The following RRBP1 variants were observed in gnomAD, a reference collection of about 807,000 sequenced individuals.
RRBP1 encodes the protein ribosome-binding protein 1.
RRBP1 carries 94 observed loss-of-function variants against 165.2 expected under a neutral mutation model. The ratio of observed to expected loss-of-function variants is 0.57; its 90% CI spans 0.48 to 0.68. The LOEUF is 0.68. Among genes scored for constraint, RRBP1 ranks in the 30% least tolerant of loss-of-function variants. The pLI, the probability that RRBP1 is intolerant of heterozygous loss-of-function variation, is 0.00. For missense variants in RRBP1, 1,676 were observed against 1,763.0 expected (o/e 0.95, Z 0.88); for synonymous variants, 680 against 714.5 (o/e 0.95, Z 0.77).
chr20:17,664,261 C>T (rs1156412262), intron 2 of RRBP1, among the ~76,000 whole-genome samples: 1 of 152,164 alleles, frequency 6.6e-6, no homozygotes, highest in African/African-American at 2.4e-5. Context: ...GTAACACAGA[C>T]GGCGTGAATC....
chr20:17,667,147 C>T (rs1037497097), intron 2 of RRBP1, among the ~76,000 whole-genome samples: 1 of 152,112 alleles, frequency 6.6e-6, no homozygotes, highest in African/African-American at 2.4e-5. Flanking sequence ...TTCCTTTTCC[C>T]CTATTCTTTG....
rs1334863924 is a variant in RRBP1, at chr20:17,618,831, C to G, written c.3676-152G>C. ...CAGCATCGGGCCGGCACAGGGCTCGCCAGGCTTCCTACAGCTACGATTTCT... is the reference window on the plus strand; with the variant it reads ...CAGCATCGGGCCGGCACAGGGCTCGGCAGGCTTCCTACAGCTACGATTTCT... On this transcript the variant is annotated intron_variant, in intron 19 of 24. Transcript: ENST00000377813. The G allele has an allele frequency of 4.7e-6, 3 of 640,610 alleles. No individual in the cohort carries two copies. In the African/African-American group the frequency reaches 5.4e-5, roughly 12 times the overall value. The allele number at this position is 640,610 out of a possible 1,614,324, so 39.7% of individuals were successfully genotyped here. A position where few individuals can be genotyped will look rare whatever the true frequency, so the allele number is the denominator to read the frequency against.
In RRBP1 at chr20:17,620,744, C is replaced by T. The variant is rs763433306; in HGVS notation, c.3478G>A (p.Val1160Met). ...EEEEQVWRAKVGAAEEELQKS... is the reference protein window; with the variant it reads ...EEEEQVWRAKMGAAEEELQKS... ...TGGAGCTCCTCCTCTGCGGCGCCCA[C>T]CTTGGCCCTCCACACCTGCTCCTCC... is the stretch of plus-strand genomic sequence containing the variant. The change falls in exon 17 of 25, where the codon GTG becomes ATG. Residue 1160 changes from valine (V) to methionine (M), a missense_variant. This residue lies in a region of RRBP1 where 1,184 missense variants were observed against 1,167.1 expected (regional missense o/e 1.01). Transcript: ENST00000377813. The T allele has an allele frequency of 5.6e-6, 9 of 1,607,886 alleles. No individual in the cohort carries two copies. The highest frequency in any genetic ancestry group is 1.7e-5 in the Admixed American group (1 of 59,990).
intron 5 of RRBP1, among the ~76,000 whole-genome samples, chr20:17,639,499 C>T (rs1568768320): frequency 6.6e-6 from 1 of 152,182 alleles, no homozygotes; most frequent in South Asian, 2.1e-4. Flanking sequence ...CCCCAGCTCC[C>T]GAGGGGGATT....
chr20:17,622,021 A>G, intron 13 of RRBP1, 74 bp from the exon 14 acceptor site: 1 of 1,112,914 alleles, frequency 9.0e-7, no homozygotes. Context: ...GTCTTTACTG[A>G]TATGCCCGGG....
chr20:17,635,402 C>A (rs866571276), intron 7 of RRBP1, 144 bp downstream of exon 7: 59 of 630,080 alleles, frequency 9.4e-5, no homozygotes, highest in Non-Finnish European at 1.4e-4. Context: ...AGAACCCAGA[C>A]GGGAGATGGA....
chr20:17,665,080 ATATG>A (rs1450160085), intron 2 of RRBP1, among the ~76,000 whole-genome samples: 2 of 151,984 alleles, frequency 1.3e-5, no homozygotes, highest in Non-Finnish European at 2.9e-5. Flanking sequence ...ATTTATATAT[ATATG>A]TATGTGCCTG....
rs1235885023 is a variant in RRBP1, at chr20:17,624,618, C to G, written c.3105G>C (p.Glu1035Asp). 6.3e-7 allele frequency: 1 copy of G among 1,592,702 alleles called. No homozygotes were observed. The highest frequency in any genetic ancestry group is 8.5e-7 in the Non-Finnish European group (1 of 1,170,162). ...WKAMEALATA[E>D]QACKEKLLSL... is the part of the protein sequence containing the mutation. ...AGAGCAGCTTCTCCTTGCAGGCCTG[C>G]TCGGCCGTGGCCAGTGCCTCCATGG... The change falls in exon 13 of 25, where the codon GAG becomes GAC. Residue 1035 changes from glutamate to aspartate, a missense_variant. Around this residue, in one of 5 missense-constraint regions of RRBP1, gnomAD observed 1,184 missense variants for 1,167.1 expected, o/e 1.01. Transcript: ENST00000377813.
At chr20:17,670,399 CTTTTT>C (rs201580103) in intron 2 of RRBP1, among the ~76,000 whole-genome samples, 5 of 133,764 alleles carry the variant, frequency 3.7e-5, no homozygotes, top group African/African-American at 1.4e-4. Flanking sequence ...GTGTAGGATT[CTTTTT>C]TTTTTTTCAT....
At chr20:17,674,600 A>C (rs1272311471) in intron 2 of RRBP1, among the ~76,000 whole-genome samples, 1 of 151,578 alleles carries the variant, frequency 6.6e-6, no homozygotes, top group Non-Finnish European at 1.5e-5. Context: ...CGTCTCTACT[A>C]AAAAAAATAC....
At chr20:17,650,325 T>TGC (rs1382633428) in intron 3 of RRBP1, among the ~76,000 whole-genome samples, 1 of 152,164 alleles carries the variant, frequency 6.6e-6, no homozygotes, top group Non-Finnish European at 1.5e-5. Context: ...TTTCTGAGTG[T>TGC]TTGCCACCTC....
At chr20:17,665,257 G>A (rs1228594665) in intron 2 of RRBP1, among the ~76,000 whole-genome samples, 5 of 152,094 alleles carry the variant, frequency 3.3e-5, no homozygotes, top group South Asian at 2.1e-4. Context: ...AAATACAGCC[G>A]TTACTTTGTG....
Position 17,643,221 on chromosome 20 carries a change from A to T in RRBP1, c.1913-94T>A. On this transcript the variant is annotated intron_variant, in intron 3 of 24. Transcript: ENST00000377813. This position sits in a 1 kb window ranked among gnomAD's most constrained non-coding sequence, Gnocchi z 4.3. ...ATCACACCAAGAAGGTTCTGGTCAC[A>T]GCCACGAAGAGCTCTCTGACTGCTT... The T allele has an allele frequency of 7.7e-7, 1 of 1,305,530 alleles. No individual in the cohort carries two copies. The highest frequency in any genetic ancestry group is 1.1e-6 in the Non-Finnish European group (1 of 949,190). The allele number at this position is 1,305,530 out of a possible 1,614,324, so 80.9% of individuals were successfully genotyped here.
At chr20:17,652,713 C>G (rs1277138295) in intron 3 of RRBP1, among the ~76,000 whole-genome samples, 1 of 152,158 alleles carries the variant, frequency 6.6e-6, no homozygotes, top group African/African-American at 2.4e-5. Context: ...AAGCTCAGCC[C>G]CAGCAGAGGG....
intron 1 of RRBP1, 83 bp downstream of exon 1, chr20:17,681,945 C>G (rs2037201086): frequency 6.8e-6 from 1 of 147,504 alleles, no homozygotes; most frequent in Non-Finnish European, 1.5e-5. Context: ...AGACGTGTCA[C>G]TCGCGGCGCA....
chr20:17,638,862 G>A (rs1356092686), intron 5 of RRBP1, among the ~76,000 whole-genome samples: 1 of 152,040 alleles, frequency 6.6e-6, no homozygotes, highest in Non-Finnish European at 1.5e-5. Context: ...GAGGACTGTA[G>A]AGAGCCCTCC....
intron 18 of RRBP1, among the ~76,000 whole-genome samples, chr20:17,620,011 G>A (rs6044914): frequency 2.6e-5 from 4 of 152,170 alleles, no homozygotes; most frequent in African/African-American, 9.7e-5. Flanking sequence ...GGCGTCTGAA[G>A]GGGGCAGTGG....
rs6034881 is a variant in RRBP1 at position 17,663,142 on chromosome 20, T to C, written c.-21-2614A>G. The stretch of plus-strand genomic sequence containing the variant: ...TCCCAACAACCATGTGCTCGAGGGG[T>C]GGTCTTTACCGAGTCGCGATTGGCA... On this transcript the variant is annotated intron_variant, in intron 2 of 24. Coordinates refer to ENST00000377813, the MANE Select transcript of RRBP1 (RefSeq NM_001365613.2). Among the ~76,000 whole-genome samples the C allele has an allele frequency of 3.2e-3, 488 of 152,308 alleles. 2 individuals carry two copies. Among genetic ancestry groups the C allele is most frequent in the African/African-American group, 0.011 (469 of 41,564 alleles).
At position 17,614,790 on chromosome 20, in the gene RRBP1, G is replaced by A; in HGVS notation, c.4141C>T (p.Leu1381=). ...QELLKTTQEQ[L]AREKDTVKKL... ...TTCACCGTGTCCTTCTCCCTTGCCA[G>A]CTGCTCCTGGGTCGTCTTCAGAAGC... The change falls in exon 24 of 25, where the codon CTG becomes TTG. Residue 1381 remains leucine (L), a synonymous_variant. Coordinates refer to ENST00000377813, the MANE Select transcript of RRBP1 (RefSeq NM_001365613.2). The A allele has an allele frequency of 6.2e-7, 1 of 1,613,798 alleles. No individual in the cohort carries two copies. Among genetic ancestry groups the A allele is most frequent in the South Asian group, 1.1e-5 (1 of 91,082 alleles).
Sources: gnomAD v4.1 joint callset for allele counts (sites outside exome capture counted in the v4.1 genomes callset) on GRCh38, gnomAD v4.1.1 for gene constraint, gnomAD v4.1.1 regional missense constraint, Gnocchi (gnomAD v3.1) non-coding constraint, MANE v1.5 for transcripts, NCBI Gene and HGNC (gene_info 2026-07-23, HGNC 2026-07-21) for gene names.